KIFC3: variants seen among roughly 807,000 people sequenced by gnomAD.
The protein encoded by KIFC3 is kinesin-like protein KIFC3.
In KIFC3, 60 loss-of-function variants were observed where a neutral mutation model predicts 101.8. The observed-to-expected ratio is 0.59, with a 90% CI of 0.48 to 0.73. The LOEUF is 0.73. Among genes scored for constraint, KIFC3 ranks in the 30% least tolerant of loss-of-function variants. The pLI, the probability that KIFC3 is intolerant of heterozygous loss-of-function variation, is 0.00. For missense variants in KIFC3, 966 were observed against 1,137.1 expected, an observed-to-expected ratio of 0.85 and a Z score of 2.16; for synonymous variants, 476 against 482.7, an observed-to-expected ratio of 0.99 and a Z score of 0.18.
At chr16:57,840,531 T>C (rs1272413056) in intron 1 of KIFC3, among the ~76,000 whole-genome samples, 2 of 151,906 alleles carry the variant, frequency 1.3e-5, no homozygotes, top group Non-Finnish European at 2.9e-5. Flanking sequence ...GAGGCCAAGG[T>C]GGGCAGATCA....
intron 3 of KIFC3, among the ~76,000 whole-genome samples, chr16:57,789,354 G>A (rs74022048): frequency 0.12 from 18,314 of 152,296 alleles, 1,325 homozygotes; most frequent in African/African-American, 0.19. Flanking sequence ...CAGGCACAGG[G>A]AGAGAGAGGG....
At chr16:57,797,128 G>A (rs782305820) in intron 2 of KIFC3, among the ~76,000 whole-genome samples, 2 of 152,258 alleles carry the variant, frequency 1.3e-5, no homozygotes, top group South Asian at 2.1e-4. Flanking sequence ...AATGTGGTGG[G>A]AGAGAGGGGT....
At chr16:57,844,338 G>A (rs1290038224) in intron 1 of KIFC3, among the ~76,000 whole-genome samples, 1 of 147,490 alleles carries the variant, frequency 6.8e-6, no homozygotes, top group African/African-American at 2.5e-5. Flanking sequence ...GGTGAGGCAG[G>A]AAAATTGCTT....
intron 1 of KIFC3, among the ~76,000 whole-genome samples, chr16:57,811,953 G>T (rs1451709963): frequency 3.4e-5 from 5 of 147,848 alleles, no homozygotes; most frequent in African/African-American, 1.2e-4. Context: ...TGAGGCCAGA[G>T]AATCACTTGA....
At chr16:57,765,367 A>C in intron 11 of KIFC3, 92 bp downstream of exon 11, 1 of 1,293,062 alleles carries the variant, frequency 7.7e-7, no homozygotes, top group Non-Finnish European at 1.1e-6. Context: ...CCCCACTCTT[A>C]ACGCTTCTTC....
intron 1 of KIFC3, among the ~76,000 whole-genome samples, chr16:57,812,556 G>T (rs1283028627): frequency 2.6e-5 from 4 of 152,180 alleles, no homozygotes; most frequent in Non-Finnish European, 5.9e-5. Flanking sequence ...GGCCTTTGGT[G>T]CTTGCCTTCC....
Position 57,758,843 on chromosome 16 carries a change from C to T in KIFC3, c.*91G>A, listed in dbSNP as rs538918036. On this transcript the variant is annotated 3_prime_UTR_variant, in exon 20 of 20. Coordinates refer to ENST00000445690, the MANE Select transcript of KIFC3 (RefSeq NM_001130100.2). ...GTCCTGGCGCTGCAGCAGGGACAGG[C>T]CAGTGAGGGCCCAGCTTCAGGCCCA... 1.2e-6 allele frequency: 2 copies of T among 1,609,046 alleles called. No individual in the cohort carries two copies. Among genetic ancestry groups the T allele is most frequent in the African/African-American group, 1.3e-5 (1 of 74,936 alleles).
intron 1 of KIFC3, among the ~76,000 whole-genome samples, chr16:57,818,830 C>G (rs569030585): frequency 6.6e-6 from 1 of 152,340 alleles, no homozygotes; most frequent in African/African-American, 2.4e-5. Flanking sequence ...CTACACCTGC[C>G]AAGCTCATAA....
At chr16:57,792,865 CAAAAAAA>C (rs35129462) in intron 3 of KIFC3, among the ~76,000 whole-genome samples, 210 of 38,432 alleles carry the variant, frequency 5.5e-3, no homozygotes, top group Middle Eastern at 0.019. Flanking sequence ...AGACCTTGCT[CAAAAAAA>C]AAAAAAAAAA....
chr16:57,861,555 G>A (rs1959271892), intron 1 of KIFC3, among the ~76,000 whole-genome samples: 1 of 152,316 alleles, frequency 6.6e-6, no homozygotes, highest in Non-Finnish European at 1.5e-5. Context: ...ATTGCAGGTG[G>A]CAGGAAGGAC....
In KIFC3 at chr16:57,771,663, G is replaced by A; in HGVS notation, c.405C>T (p.His135=). The change falls in exon 5 of 20, where the codon CAC becomes CAT. Residue 135 remains histidine (H), a synonymous_variant. Transcript: ENST00000445690. ...SELGGTDLEK[H]RDLLMVENER... is the part of the protein sequence containing the mutation. ...CATTCTCCACCATCAGCAGGTCCCG[G>A]TGCTTCTCCAAGTCGGTGCCCCCCT... 1 of 1,612,766 alleles carries A rather than the reference G, an allele frequency of 6.2e-7. No homozygotes were observed. Among genetic ancestry groups the A allele is most frequent in the South Asian group, 1.1e-5 (1 of 90,920 alleles).
chr16:57,855,695 C>CA (rs1285218956), intron 1 of KIFC3, among the ~76,000 whole-genome samples: 3 of 151,968 alleles, frequency 2.0e-5, no homozygotes, highest in African/African-American at 7.2e-5. Context: ...CCCGTAATCT[C>CA]AGCCCTGTGG....
chr16:57,859,029 T>C (rs2056238706), intron 1 of KIFC3, among the ~76,000 whole-genome samples: 1 of 152,138 alleles, frequency 6.6e-6, no homozygotes, highest in African/African-American at 2.4e-5. Context: ...GACAGACAAA[T>C]GCATGGAAAA....
intron 3 of KIFC3, among the ~76,000 whole-genome samples, chr16:57,791,877 AAAG>A (rs2053899181): frequency 1.3e-5 from 2 of 152,228 alleles, no homozygotes; most frequent in South Asian, 4.1e-4. Flanking sequence ...TGAACAGATA[AAAG>A]AAGAAACTTT....
rs782139227 is a variant in KIFC3 at position 57,771,586 on chromosome 16, C to T, written c.482G>A (p.Arg161His). 8 of 1,613,486 alleles carry T rather than the reference C, an allele frequency of 5.0e-6. No homozygotes were observed. The highest frequency in any genetic ancestry group is 6.8e-6 in the Non-Finnish European group (8 of 1,180,022). The change falls in exon 5 of 20, where the codon CGC (arginine) becomes CAC (histidine). Residue 161 changes from arginine (R) to histidine (H), a missense_variant. Around this residue, in one of 2 missense-constraint regions of KIFC3, gnomAD observed 277 missense variants for 252.5 expected, o/e 1.10. Coordinates refer to ENST00000445690, the MANE Select transcript of KIFC3 (RefSeq NM_001130100.2). ...TGGGCAGGGACCTGCTGGCTTTGTGCGCAGCTCTTGCAGCTCGGCCTCACA... is the reference window on the plus strand; with the variant it reads ...TGGGCAGGGACCTGCTGGCTTTGTGTGCAGCTCTTGCAGCTCGGCCTCACA... ...RRCEAELQEL[R>H]TKPAGPCPGC...
chr16:57,796,450 T>C (rs1175317181), intron 2 of KIFC3, among the ~76,000 whole-genome samples: 1 of 152,074 alleles, frequency 6.6e-6, no homozygotes, highest in Admixed American at 6.6e-5. Context: ...GTGCCCAGGG[T>C]CACAGGGAGC....
At chr16:57,759,636 G>T in intron 18 of KIFC3, 92 bp downstream of exon 18, 2 of 969,932 alleles carry the variant, frequency 2.1e-6, no homozygotes, top group Non-Finnish European at 3.1e-6. Context: ...TTTTTAAAAA[G>T]GAAAGAAAAG....
intron 3 of KIFC3, among the ~76,000 whole-genome samples, chr16:57,782,670 G>A (rs538217571): frequency 1.7e-3 from 260 of 152,350 alleles, no homozygotes; most frequent in African/African-American, 5.7e-3. Flanking sequence ...CAGGCTGGGC[G>A]CGGTGGCTCA....
chr16:57,783,072 G>C (rs1261186103), intron 3 of KIFC3, among the ~76,000 whole-genome samples: 1 of 152,248 alleles, frequency 6.6e-6, no homozygotes, highest in Non-Finnish European at 1.5e-5. Flanking sequence ...AGGCTAGAGA[G>C]CTGGGGCTCA....
Sources: allele counts gnomAD v4.1 joint callset (sites outside exome capture counted in the v4.1 genomes callset), GRCh38; gene constraint gnomAD v4.1.1; regional missense constraint gnomAD v4.1.1; transcripts MANE v1.5; gene names NCBI Gene and HGNC (gene_info 2026-07-23, HGNC 2026-07-21).